The following CSMD1 variants were observed in gnomAD, a reference collection of about 807,000 sequenced individuals.
CSMD1 encodes CUB and Sushi multiple domains 1.
A neutral mutation model predicts 417.5 loss-of-function variants in CSMD1; 213 were observed. That is an observed-to-expected ratio of 0.51 (90% CI 0.46 to 0.57). CSMD1 has a LOEUF of 0.57. Ranked by LOEUF, CSMD1 falls within the 20% of genes least tolerant of loss-of-function variation. The pLI, the probability that CSMD1 is intolerant of heterozygous loss-of-function variation, is 0.00. For missense variants in CSMD1, 6,923 were observed against 4,529.7 expected, an observed-to-expected ratio of 1.53 and a Z score of -15.17; for synonymous variants, 2,862 against 1,736.8, an observed-to-expected ratio of 1.65 and a Z score of -16.11.
intron 5 of CSMD1, among the ~76,000 whole-genome samples, chr8:3,754,565 C>T (rs7813951): frequency 0.056 from 8,471 of 152,084 alleles, 828 homozygotes; most frequent in African/African-American, 0.19. Context: ...AGCGATTCTC[C>T]TCCCACAGCC....
chr8:4,568,101 C>A (rs1489318643), intron 2 of CSMD1, among the ~76,000 whole-genome samples: 1 of 152,112 alleles, frequency 6.6e-6, no homozygotes, highest in African/African-American at 2.4e-5. Flanking sequence ...AAATAAAATA[C>A]TCATATTCAA....
chr8:3,409,526 A>G lies in CSMD1; in HGVS notation c.1641T>C (p.Asp547=). Residue 547 remains aspartate, a synonymous_variant, in exon 13 of 70, where the codon GAT becomes GAC. Coordinates refer to ENST00000635120, the MANE Select transcript of CSMD1 (RefSeq NM_033225.6). ...CCGCCGGGCATTCAAAGGTGAGTGT[A>G]TCTCCATGGAGGAAACTGCTGCCCG... ...KRTGSSFLHG[D]TLTFECPAAF... is the part of the protein sequence containing the mutation. 2 of 1,611,422 alleles carry G rather than the reference A, an allele frequency of 1.2e-6. No homozygotes were observed. The highest frequency in any genetic ancestry group is 1.7e-6 in the Non-Finnish European group (2 of 1,178,876).
intron 3 of CSMD1, among the ~76,000 whole-genome samples, chr8:4,051,767 G>A (rs1798435460): frequency 6.6e-6 from 1 of 152,120 alleles, no homozygotes; most frequent in South Asian, 2.1e-4. Flanking sequence ...GTTTTGGTAG[G>A]GCTCCCAGTG....
chr8:3,429,667 G>A (rs1814090609), intron 12 of CSMD1, among the ~76,000 whole-genome samples: 1 of 152,166 alleles, frequency 6.6e-6, no homozygotes, highest in South Asian at 2.1e-4. Context: ...GCACACTTTT[G>A]AATATCTGCA....
chr8:3,708,396 G>A lies in CSMD1; in HGVS notation c.1009+18C>T, dbSNP rs374750386. The stretch of plus-strand genomic sequence containing the variant: ...ACAAGGGCGTATCAATCCTCAGATA[G>A]AAAGGAAAGGGACTCACAGACAGAG... On this transcript the variant is annotated intron_variant, in intron 7 of 69. Coordinates refer to ENST00000635120, the MANE Select transcript of CSMD1 (RefSeq NM_033225.6). 5.3e-5 allele frequency: 86 copies of A among 1,609,826 alleles called. No homozygotes were observed. The African/African-American group carries it at 1.0e-3, about 19-fold the overall frequency.
chr8:3,269,853 C>A (rs765384908), intron 26 of CSMD1, among the ~76,000 whole-genome samples: 19 of 152,092 alleles, frequency 1.2e-4, no homozygotes, highest in African/African-American at 4.3e-4. Flanking sequence ...GGACAGTGGA[C>A]CTTTAATGGG....
At chr8:4,174,155 G>C (rs973498434) in intron 3 of CSMD1, among the ~76,000 whole-genome samples, 2 of 152,146 alleles carry the variant, frequency 1.3e-5, no homozygotes, top group Non-Finnish European at 2.9e-5. Flanking sequence ...AAAGGCTCGT[G>C]GCTGCCCCTA....
intron 3 of CSMD1, among the ~76,000 whole-genome samples, chr8:4,147,507 T>A (rs1239128600): frequency 6.6e-6 from 1 of 152,202 alleles, no homozygotes; most frequent in East Asian, 1.9e-4. Flanking sequence ...AATCTGTTCC[T>A]GTCTCCATTA....
chr8:3,853,491 A>C (rs1804057218), intron 5 of CSMD1, among the ~76,000 whole-genome samples: 5 of 152,260 alleles, frequency 3.3e-5, no homozygotes, highest in Admixed American at 3.3e-4. Context: ...CGTTGTTCAC[A>C]GACACTTCTC....
intron 10 of CSMD1, among the ~76,000 whole-genome samples, chr8:3,494,928 T>C (rs1796304899): frequency 6.6e-6 from 1 of 152,194 alleles, no homozygotes; most frequent in Non-Finnish European, 1.5e-5. Flanking sequence ...TTCCCACTAA[T>C]ACCCAAGTCC....
At chr8:4,366,236 G>C (rs866142259) in intron 3 of CSMD1, among the ~76,000 whole-genome samples, 1 of 145,046 alleles carries the variant, frequency 6.9e-6, no homozygotes, top group African/African-American at 2.6e-5. Context: ...CATCCATGTA[G>C]CTGCAAAAGA....
At chr8:3,572,173 G>A (rs1042000174) in intron 10 of CSMD1, among the ~76,000 whole-genome samples, 1 of 152,144 alleles carries the variant, frequency 6.6e-6, no homozygotes, top group Non-Finnish European at 1.5e-5. Context: ...GGGCGCATTC[G>A]AGCACTCCTT....
intron 2 of CSMD1, among the ~76,000 whole-genome samples, chr8:4,528,807 TAC>T (rs1316069377): frequency 6.8e-6 from 1 of 147,994 alleles, no homozygotes; most frequent in Non-Finnish European, 1.5e-5. Flanking sequence ...CTCTCTCTCA[TAC>T]ACACACACAC....
At chr8:3,329,437 A>G (rs1806747532) in intron 23 of CSMD1, among the ~76,000 whole-genome samples, 1 of 152,152 alleles carries the variant, frequency 6.6e-6, no homozygotes, top group African/African-American at 2.4e-5. Context: ...GATGTGTTCC[A>G]CATTACAGGG....
chr8:4,886,335 T>A (rs1245983935), intron 1 of CSMD1, among the ~76,000 whole-genome samples: 3 of 152,014 alleles, frequency 2.0e-5, no homozygotes, highest in African/African-American at 4.8e-5. Flanking sequence ...CTATATATAT[T>A]TTTTTATTTT....
chr8:4,467,955 G>A (rs1293005187), intron 2 of CSMD1, among the ~76,000 whole-genome samples: 1 of 152,248 alleles, frequency 6.6e-6, no homozygotes, highest in East Asian at 1.9e-4. Context: ...AAAGTAATAT[G>A]ATGGTTTACA....
chr8:3,551,578 G>GTGTATATATATA (rs1798912450), intron 10 of CSMD1, among the ~76,000 whole-genome samples: 1 of 117,696 alleles, frequency 8.5e-6, no homozygotes, highest in Non-Finnish European at 1.7e-5. Context: ...TAATAAATAT[G>GTGTATATATATA]TATATATATA....
At chr8:4,023,712 G>A (rs568134003) in intron 4 of CSMD1, among the ~76,000 whole-genome samples, 2 of 144,182 alleles carry the variant, frequency 1.4e-5, no homozygotes, top group Non-Finnish European at 1.5e-5. Context: ...TCAGCCTCCC[G>A]AGTAGCTGGG....
intron 2 of CSMD1, among the ~76,000 whole-genome samples, chr8:4,529,766 A>G (rs1039155409): frequency 6.6e-6 from 1 of 152,114 alleles, no homozygotes; most frequent in Non-Finnish European, 1.5e-5. Context: ...CCTGACAGCA[A>G]AAGTTTCAGA....
Sources: gnomAD v4.1 joint callset for allele counts (sites outside exome capture counted in the v4.1 genomes callset) on GRCh38, gnomAD v4.1.1 for gene constraint, MANE v1.5 for transcripts, NCBI Gene and HGNC (gene_info 2026-07-23, HGNC 2026-07-21) for gene names.